SLCO5A1: variants seen among roughly 807,000 people sequenced by gnomAD.
SLCO5A1 encodes solute carrier organic anion transporter family member 5A1.
In SLCO5A1, 39 loss-of-function variants were observed where a neutral mutation model predicts 65.1. That is an observed-to-expected ratio of 0.60 (90% CI 0.46 to 0.78). The LOEUF is 0.78. Ranked by LOEUF, SLCO5A1 falls within the 30% of genes least tolerant of loss-of-function variation. The probability of loss-of-function intolerance (pLI) is 0.00; values close to 1 mark genes in which losing one functional copy is unlikely to be tolerated. For synonymous variants in SLCO5A1, 438 were observed against 415.7 expected (o/e 1.05, Z -0.65); for missense variants, 1,029 against 1,069.4 (o/e 0.96, Z 0.53).
At chr8:69,721,416 TTATAGA>T (rs955270897) in intron 5 of SLCO5A1, among the ~76,000 whole-genome samples, 7 of 152,214 alleles carry the variant, frequency 4.6e-5, no homozygotes, top group African/African-American at 1.7e-4. Flanking sequence ...CTACCTCGTG[TTATAGA>T]TATAAAATAA....
Position 69,755,579 on chromosome 8 carries a change from A to G in SLCO5A1, c.1103T>C (p.Phe368Ser). The G allele has an allele frequency of 6.2e-7, 1 of 1,614,040 alleles. No individual in the cohort carries two copies. The highest frequency in any genetic ancestry group is 1.1e-5 in the South Asian group (1 of 91,058). Residue 368 changes from phenylalanine (F) to serine (S), a missense_variant, in exon 4 of 10, where the codon TTC becomes TCC. Phe to Ser is a radical substitution (Grantham distance 155). Transcript: ENST00000260126. ...GTGTCGAGGTGGAAGCTTTTTTGGG[A>G]AAGTAAACATTGGGAATATCACAAG... ...MFLVIFPMFT[F>S]PKKLPPRHKK...
chr8:69,697,847 T>C (rs957235023), intron 6 of SLCO5A1, among the ~76,000 whole-genome samples: 4 of 152,202 alleles, frequency 2.6e-5, no homozygotes, highest in Non-Finnish European at 5.9e-5. Context: ...TTATTTTTAC[T>C]TGTTTGTTTG....
intron 2 of SLCO5A1, among the ~76,000 whole-genome samples, chr8:69,805,325 C>G (rs1458500100): frequency 3.3e-5 from 5 of 152,144 alleles, no homozygotes; most frequent in African/African-American, 1.2e-4. Flanking sequence ...GCTACTGAAT[C>G]CCCTGAAATC....
chr8:69,762,004 T>C (rs1444863212), intron 2 of SLCO5A1, 129 bp from the exon 3 acceptor site: 8 of 1,116,974 alleles, frequency 7.2e-6, no homozygotes, highest in Non-Finnish European at 7.5e-6. Flanking sequence ...ACGGAGACCT[T>C]TGGAGATTTG....
chr8:69,824,858 C>T (rs1299346893), intron 2 of SLCO5A1, among the ~76,000 whole-genome samples: 5 of 152,184 alleles, frequency 3.3e-5, no homozygotes, highest in African/African-American at 1.2e-4. Flanking sequence ...CCTTGATGAA[C>T]ATTGATGCAA....
At chr8:69,688,958 T>G (rs1814119364) in intron 6 of SLCO5A1, among the ~76,000 whole-genome samples, 1 of 151,748 alleles carries the variant, frequency 6.6e-6, no homozygotes, top group Non-Finnish European at 1.5e-5. Context: ...CCACCAACAG[T>G]GTAAAAGTGT....
At position 69,701,331 on chromosome 8, in the gene SLCO5A1, T is replaced by A. The variant is rs1814727614; in HGVS notation, c.1622+3700A>T. ...GGCCCCCCAACCAACTCAATGGACTTCCTTCTCAGCCAGGGCTATTTAAAA... is the reference window on the plus strand; with the variant it reads ...GGCCCCCCAACCAACTCAATGGACTACCTTCTCAGCCAGGGCTATTTAAAA... On this transcript the variant is annotated intron_variant, in intron 6 of 9. Coordinates refer to ENST00000260126, the MANE Select transcript of SLCO5A1 (RefSeq NM_030958.3). Among the ~76,000 whole-genome samples the A allele has an allele frequency of 2.6e-5, 4 of 152,184 alleles. No individual in the cohort carries two copies. The South Asian group carries it at 8.3e-4, about 31-fold the overall frequency.
At chr8:69,676,698 T>A in intron 8 of SLCO5A1, 25 bp from the exon 9 acceptor site, 1 of 1,601,596 alleles carries the variant, frequency 6.2e-7, no homozygotes, top group Non-Finnish European at 8.5e-7. Context: ...AAGAAGGAAA[T>A]GCATTTTAAA....
intron 5 of SLCO5A1, among the ~76,000 whole-genome samples, chr8:69,732,661 C>T (rs775523127): frequency 2.6e-4 from 39 of 152,150 alleles, no homozygotes; most frequent in East Asian, 1.2e-3. Context: ...CAGGGAGAGG[C>T]GGGCAGATCA....
At chr8:69,794,363 CCTA>C (rs1340506047) in intron 2 of SLCO5A1, 2 of 430,408 alleles carry the variant, frequency 4.6e-6, no homozygotes, top group Non-Finnish European at 9.1e-6. Flanking sequence ...TAACTGCTCT[CCTA>C]CTATTTATCA....
intron 2 of SLCO5A1, among the ~76,000 whole-genome samples, chr8:69,806,333 T>C (rs1462881092): frequency 6.6e-6 from 1 of 152,214 alleles, no homozygotes; most frequent in Non-Finnish European, 1.5e-5. Flanking sequence ...TTGCCTTGGT[T>C]TGTAATTCCT....
rs560134577 is a variant in SLCO5A1, at chr8:69,802,431, C to T, written c.907+29336G>A. On this transcript the variant is annotated intron_variant, in intron 2 of 9. Coordinates refer to ENST00000260126, the MANE Select transcript of SLCO5A1 (RefSeq NM_030958.3). ...GGAGGTGGGAGGATCGCTTGAACCCCGGAAGTCAAGGCTGCAGTGAGCTGG... is the reference window on the plus strand; with the variant it reads ...GGAGGTGGGAGGATCGCTTGAACCCTGGAAGTCAAGGCTGCAGTGAGCTGG... 7.3e-5 allele frequency among the ~76,000 whole-genome samples: 11 copies of T among 151,648 alleles called. No individual in the cohort carries two copies. The South Asian group carries it at 2.1e-3, about 29-fold the overall frequency.
rs570796650 is a variant in SLCO5A1 at position 69,712,431 on chromosome 8, G to C, written c.1424-7202C>G. Among the ~76,000 whole-genome samples, 16 of 152,004 alleles carry C rather than the reference G, an allele frequency of 1.1e-4. No homozygotes were observed. In the East Asian group the frequency reaches 2.7e-3, roughly 26 times the overall value. On this transcript the variant is annotated intron_variant, in intron 5 of 9. Coordinates refer to ENST00000260126, the MANE Select transcript of SLCO5A1 (RefSeq NM_030958.3). ...CTAATGACTGAATTTTTCCTCTTTC[G>C]CTCCAATTTTTGCCAATTTGTATTG...
At chr8:69,786,201 T>G (rs1420966348) in intron 2 of SLCO5A1, among the ~76,000 whole-genome samples, 1 of 152,226 alleles carries the variant, frequency 6.6e-6, no homozygotes, top group Non-Finnish European at 1.5e-5. Context: ...TGCTTCTAGA[T>G]GTATCTAACT....
At chr8:69,713,410 A>T (rs1398727905) in intron 5 of SLCO5A1, 1 of 152,220 alleles carries the variant, frequency 6.6e-6, no homozygotes, top group Non-Finnish European at 1.5e-5. Flanking sequence ...GAGTACCTAG[A>T]AAAGAAGAAA....
chr8:69,706,579 T>C (rs893981805), intron 5 of SLCO5A1, among the ~76,000 whole-genome samples: 1 of 152,188 alleles, frequency 6.6e-6, no homozygotes, highest in African/African-American at 2.4e-5. Context: ...CACCTTTCCA[T>C]GTGAAGTTAC....
chr8:69,827,745 G>T (rs1820984805), intron 2 of SLCO5A1, among the ~76,000 whole-genome samples: 1 of 152,146 alleles, frequency 6.6e-6, no homozygotes, highest in African/African-American at 2.4e-5. Context: ...GTTATTTATT[G>T]GGAAAGGTCT....
rs33961429 is a variant in SLCO5A1 at position 69,710,019 on chromosome 8, C to CTTTTTT, written c.1424-4796_1424-4791dup. On this transcript the variant is annotated intron_variant, in intron 5 of 9. Coordinates refer to ENST00000260126, the MANE Select transcript of SLCO5A1 (RefSeq NM_030958.3). Reference sequence around the variant, plus strand: ...CAGAGTCCTGTGAAATCGGCAACAGCTTTTTTTTTTTTTTTTTAGACAGAG... The same window carrying CTTTTTT: ...CAGAGTCCTGTGAAATCGGCAACAGCTTTTTTTTTTTTTTTTTTTTTTTAGACAGAG... Among the ~76,000 whole-genome samples the CTTTTTT allele has an allele frequency of 7.1e-3, 875 of 122,822 alleles. 41 individuals are homozygous for CTTTTTT. The highest frequency in any genetic ancestry group is 0.019 in the African/African-American group (606 of 32,742). 80.6% of individuals were successfully genotyped at this position (122,822 alleles called of 152,430 possible).
chr8:69,787,198 A>G (rs781638969), intron 2 of SLCO5A1, among the ~76,000 whole-genome samples: 1 of 152,224 alleles, frequency 6.6e-6, no homozygotes, highest in Non-Finnish European at 1.5e-5. Flanking sequence ...TATTCTTTCC[A>G]ACCTCTGATA....
Sources: gnomAD v4.1 joint callset for allele counts (sites outside exome capture counted in the v4.1 genomes callset) on GRCh38, gnomAD v4.1.1 for gene constraint, MANE v1.5 for transcripts, NCBI Gene and HGNC (gene_info 2026-07-23, HGNC 2026-07-21) for gene names.